The following SND1 variants were observed in gnomAD, a reference collection of about 807,000 sequenced individuals.
SND1 encodes staphylococcal nuclease domain-containing protein 1.
A neutral mutation model predicts 121.7 loss-of-function variants in SND1; 38 were observed. That is an observed-to-expected ratio of 0.31 (90% CI 0.24 to 0.41). The LOEUF is 0.41. Among genes scored for constraint, SND1 ranks in the 10% least tolerant of loss-of-function variants. The pLI is 1.00. For missense variants in SND1, 868 were observed against 1,184.6 expected (o/e 0.73, Z 3.92); for synonymous variants, 401 against 447.4 (o/e 0.90, Z 1.31).
At chr7:127,834,269 A>G (rs1340919024) in intron 11 of SND1, among the ~76,000 whole-genome samples, 1 of 152,200 alleles carries the variant, frequency 6.6e-6, no homozygotes, top group Admixed American at 6.5e-5. Context: ...TGGAAAGCTA[A>G]GCAATATTTT....
intron 12 of SND1, among the ~76,000 whole-genome samples, chr7:127,886,347 G>C (rs1799908784): frequency 6.7e-6 from 1 of 150,272 alleles, no homozygotes; most frequent in Admixed American, 6.6e-5. Context: ...TTGACGAATA[G>C]AGCCCTTAAA....
chr7:128,005,159 A>G (rs1253574130), intron 16 of SND1, among the ~76,000 whole-genome samples: 1 of 152,228 alleles, frequency 6.6e-6, no homozygotes, highest in Non-Finnish European at 1.5e-5. Context: ...TCAAAAATTC[A>G]TGAGGCCTTG....
At chr7:127,963,136 T>C (rs1801771986) in intron 15 of SND1, among the ~76,000 whole-genome samples, 1 of 152,172 alleles carries the variant, frequency 6.6e-6, no homozygotes, top group African/African-American at 2.4e-5. Context: ...GCAGCTCTAT[T>C]CTAAGCTGTG....
At chr7:127,778,525 T>C (rs1183433719) in intron 10 of SND1, among the ~76,000 whole-genome samples, 1 of 152,208 alleles carries the variant, frequency 6.6e-6, no homozygotes, top group Non-Finnish European at 1.5e-5. Context: ...GCTTTTCTTG[T>C]CATCTTATGG....
chr7:127,995,162 A>T (rs1473316423), intron 16 of SND1, among the ~76,000 whole-genome samples: 1 of 152,224 alleles, frequency 6.6e-6, no homozygotes, highest in Non-Finnish European at 1.5e-5. Context: ...AAGTTTGCTG[A>T]CTACTGCTGC....
At chr7:127,720,880 T>G (rs924576358) in intron 9 of SND1, among the ~76,000 whole-genome samples, 3 of 152,206 alleles carry the variant, frequency 2.0e-5, no homozygotes, top group African/African-American at 7.2e-5. Context: ...TGCTGGTATC[T>G]TCTTCAAATC....
chr7:127,752,921 G>A (rs914917920), intron 10 of SND1, among the ~76,000 whole-genome samples: 5 of 152,170 alleles, frequency 3.3e-5, no homozygotes, highest in African/African-American at 1.2e-4. Flanking sequence ...TTGAGCATTG[G>A]CCTTTATACT....
rs566214581 is a variant in SND1 at position 127,858,940 on chromosome 7, G to A, written c.1343+14516G>A. Among the ~76,000 whole-genome samples the A allele has an allele frequency of 4.6e-5, 7 of 152,188 alleles. No individual in the cohort carries two copies. In the East Asian group the frequency reaches 9.7e-4, roughly 21 times the overall value. On this transcript the variant is annotated intron_variant, in intron 12 of 23. Coordinates refer to ENST00000354725, the MANE Select transcript of SND1 (RefSeq NM_014390.4). Reference sequence around the variant, plus strand: ...TTCAGTTTCTTCCTCTGAACAAAACGTTGTTTATGTATACCTGCATTTACA... The same window carrying A: ...TTCAGTTTCTTCCTCTGAACAAAACATTGTTTATGTATACCTGCATTTACA...
chr7:127,784,711 C>T (rs978360562), intron 10 of SND1, among the ~76,000 whole-genome samples: 4 of 151,892 alleles, frequency 2.6e-5, no homozygotes, highest in African/African-American at 9.7e-5. Context: ...CTCTTGTGTA[C>T]GTAGTGAAAG....
At chr7:127,821,595 T>G (rs140525401) in intron 11 of SND1, among the ~76,000 whole-genome samples, 1 of 152,208 alleles carries the variant, frequency 6.6e-6, no homozygotes, top group African/African-American at 2.4e-5. Context: ...GTACTTTTCC[T>G]TACAGGATTT....
rs1554443298 is a variant in SND1, at chr7:127,922,197, T to TTTTGTTTTTTG, written c.1528-6988_1528-6987insGTTTTTTGTTT. Among the ~76,000 whole-genome samples, 153 of 135,444 alleles carry TTTTGTTTTTTG rather than the reference T, an allele frequency of 1.1e-3. 1 individual carries two copies. Among genetic ancestry groups the TTTTGTTTTTTG allele is most frequent in the African/African-American group, 3.9e-3 (138 of 35,560 alleles). 88.9% of individuals were successfully genotyped at this position (135,444 alleles called of 152,430 possible). On this transcript the variant is annotated intron_variant, in intron 14 of 23. Coordinates refer to ENST00000354725, the MANE Select transcript of SND1 (RefSeq NM_014390.4). ...TTCCTTTTTTTTTTTTTTTTTTTTT[T>TTTTGTTTTTTG]TTTTTTGTTTTGTGAGGCAAGATCC...
At chr7:127,826,784 A>T (rs905109804) in intron 11 of SND1, among the ~76,000 whole-genome samples, 6 of 152,210 alleles carry the variant, frequency 3.9e-5, no homozygotes, top group Admixed American at 3.9e-4. Flanking sequence ...ACGTGCTTTT[A>T]TATAGATCAG....
intron 12 of SND1, among the ~76,000 whole-genome samples, chr7:127,853,784 C>G (rs970809353): frequency 6.6e-6 from 1 of 152,126 alleles, no homozygotes; most frequent in Non-Finnish European, 1.5e-5. Context: ...ATATATGATA[C>G]CAGTTATGCC....
At chr7:127,943,213 T>C (rs1260633830) in intron 15 of SND1, among the ~76,000 whole-genome samples, 3 of 152,188 alleles carry the variant, frequency 2.0e-5, no homozygotes, top group Non-Finnish European at 2.9e-5. Flanking sequence ...TAATAATTTC[T>C]TACCTGGAAT....
At chr7:127,686,981 CT>C in intron 2 of SND1, 5 of 464,714 alleles carry the variant, frequency 1.1e-5, no homozygotes, top group East Asian at 3.7e-5. Flanking sequence ...TTTCTTGTAC[CT>C]TTTCCCATAG....
intron 10 of SND1, among the ~76,000 whole-genome samples, chr7:127,807,149 T>G (rs1798252040): frequency 6.6e-6 from 1 of 152,220 alleles, no homozygotes; most frequent in South Asian, 2.1e-4. Context: ...ATTTAAAATA[T>G]CTATAAATAT....
At chr7:127,938,655 T>G (rs1037475806) in intron 15 of SND1, among the ~76,000 whole-genome samples, 2 of 152,222 alleles carry the variant, frequency 1.3e-5, no homozygotes, top group Admixed American at 6.5e-5. Flanking sequence ...TATTAATCAA[T>G]CATTTTTCTC....
At chr7:127,983,206 A>T (rs1802306783) in intron 15 of SND1, among the ~76,000 whole-genome samples, 1 of 152,174 alleles carries the variant, frequency 6.6e-6, no homozygotes, top group Admixed American at 6.5e-5. Context: ...TAGAAATGGA[A>T]CTAATTGAGT....
chr7:127,949,920 C>G (rs1005323802), intron 15 of SND1, among the ~76,000 whole-genome samples: 17 of 152,158 alleles, frequency 1.1e-4, no homozygotes, highest in African/African-American at 3.1e-4. Flanking sequence ...AGTGCTTATC[C>G]TCCACTCCCT....
Sources: gnomAD v4.1 joint callset for allele counts (sites outside exome capture counted in the v4.1 genomes callset) on GRCh38, gnomAD v4.1.1 for gene constraint, MANE v1.5 for transcripts, NCBI Gene and HGNC (gene_info 2026-07-23, HGNC 2026-07-21) for gene names.